The following FBXO11 variants were observed in gnomAD, a reference collection of about 807,000 sequenced individuals.
The protein encoded by FBXO11 is F-box only protein 11.
FBXO11 carries 13 observed loss-of-function variants against 117.0 expected under a neutral mutation model. That is an observed-to-expected ratio of 0.11 (90% confidence interval 0.07 to 0.18). The LOEUF (loss-of-function observed/expected upper bound fraction) is 0.18. FBXO11 is among the 10% of genes least tolerant of loss of function. FBXO11 has a pLI of 1.00. For missense variants in FBXO11, 767 were observed against 1,164.4 expected, an observed-to-expected ratio of 0.66 and a Z score of 4.97; for synonymous variants, 490 against 380.5, an observed-to-expected ratio of 1.29 and a Z score of -3.35.
intron 18 of FBXO11, chr2:47,812,887 A>T (rs972250957): frequency 2.6e-5 from 7 of 267,100 alleles, no homozygotes; most frequent in Admixed American, 1.5e-4. Flanking sequence ...ACATTTTCAG[A>T]TATTTACAGA....
intron 1 of FBXO11, among the ~76,000 whole-genome samples, chr2:47,846,954 T>C (rs762032884): frequency 2.0e-5 from 3 of 152,074 alleles, no homozygotes; most frequent in African/African-American, 4.8e-5. Context: ...CAAGAATACG[T>C]TCTGAGAAGG....
intron 20 of FBXO11, 58 bp downstream of exon 20, chr2:47,809,540 TTC>T: frequency 1.6e-6 from 2 of 1,252,686 alleles, no homozygotes; most frequent in Non-Finnish European, 2.3e-6. Context: ...ATAAAACGGC[TTC>T]TGATTATCTT....
intron 1 of FBXO11, among the ~76,000 whole-genome samples, chr2:47,855,819 C>T (rs140543127): frequency 3.4e-4 from 50 of 147,718 alleles, no homozygotes; most frequent in Non-Finnish European, 3.0e-4. Flanking sequence ...GCAACAAGAG[C>T]GAAACTCCAT....
At chr2:47,857,077 T>C (rs1008726310) in intron 1 of FBXO11, among the ~76,000 whole-genome samples, 11 of 152,242 alleles carry the variant, frequency 7.2e-5, no homozygotes, top group African/African-American at 2.4e-4. Flanking sequence ...GAAACTCATC[T>C]ACTTTAGTCA....
chr2:47,822,423 T>C lies in FBXO11; in HGVS notation c.1617-120A>G, dbSNP rs7600145. ...ATTACATAAACTTCTAAGGCCTCAA[T>C]TTCTTCATTATTTCTAAGGCCTAAG... On this transcript the variant is annotated intron_variant, in intron 12 of 22. Transcript: ENST00000403359. 3.5e-3 allele frequency: 2,118 copies of C among 606,034 alleles called. 34 individuals are homozygous for C. The highest frequency in any genetic ancestry group is 0.03 in the African/African-American group (1,576 of 51,824). The allele number at this position is 606,034 out of a possible 1,614,324, so 37.5% of individuals were successfully genotyped here.
intron 19 of FBXO11, 22 bp downstream of exon 19, chr2:47,810,294 G>C: frequency 1.3e-6 from 2 of 1,491,290 alleles, no homozygotes; most frequent in Non-Finnish European, 1.8e-6. Context: ...ATAAGCCACA[G>C]GTAAGAAAAG....
intron 1 of FBXO11, among the ~76,000 whole-genome samples, chr2:47,850,773 C>A (rs1050840548): frequency 6.6e-6 from 1 of 152,252 alleles, no homozygotes; most frequent in Middle Eastern, 3.4e-3. Context: ...AATTTTAATT[C>A]TTTCCTGTTA....
intron 1 of FBXO11, among the ~76,000 whole-genome samples, chr2:47,840,588 C>A (rs970166675): frequency 1.3e-5 from 2 of 151,438 alleles, no homozygotes; most frequent in Non-Finnish European, 2.9e-5. Context: ...GCAGCTGGGG[C>A]TACAGGCATG....
intron 1 of FBXO11, among the ~76,000 whole-genome samples, chr2:47,845,328 A>G (rs888211463): frequency 1.3e-5 from 2 of 152,222 alleles, no homozygotes; most frequent in Non-Finnish European, 2.9e-5. Context: ...ATACCACAGA[A>G]ATCTCAACTT....
chr2:47,860,941 G>A (rs932692820), intron 1 of FBXO11, among the ~76,000 whole-genome samples: 4 of 151,232 alleles, frequency 2.6e-5, no homozygotes, highest in Admixed American at 6.6e-5. Flanking sequence ...CCACCTCCCG[G>A]GTTCAAGTGA....
At chr2:47,881,121 G>A (rs555826866) in intron 1 of FBXO11, among the ~76,000 whole-genome samples, 31 of 152,102 alleles carry the variant, frequency 2.0e-4, no homozygotes, top group Non-Finnish European at 3.8e-4. Flanking sequence ...GCTTAGTGGC[G>A]GGTGCCTGCA....
intron 14 of FBXO11, 30 bp downstream of exon 14, chr2:47,820,332 G>C (rs187755562): frequency 3.4e-5 from 54 of 1,571,498 alleles, no homozygotes; most frequent in Non-Finnish European, 4.1e-5. Flanking sequence ...TGATGCATGA[G>C]TTTATAGGGA....
intron 16 of FBXO11, among the ~76,000 whole-genome samples, chr2:47,817,702 G>A (rs745405032): frequency 1.3e-5 from 2 of 152,210 alleles, no homozygotes; most frequent in African/African-American, 4.8e-5. Flanking sequence ...ATACTGTTGT[G>A]TCTCAGGCAA....
At chr2:47,829,374 G>A (rs1672014695) in intron 11 of FBXO11, among the ~76,000 whole-genome samples, 1 of 151,932 alleles carries the variant, frequency 6.6e-6, no homozygotes, top group African/African-American at 2.4e-5. Flanking sequence ...TCGAGTAGCT[G>A]GGACTTGAGG....
At chr2:47,886,532 C>T (rs1407944191) in intron 1 of FBXO11, among the ~76,000 whole-genome samples, 5 of 150,728 alleles carry the variant, frequency 3.3e-5, no homozygotes, top group African/African-American at 9.8e-5. Context: ...AATCTTTCTA[C>T]TAAAATTGTG....
At chr2:47,868,680 T>A (rs1201382919) in intron 1 of FBXO11, among the ~76,000 whole-genome samples, 1 of 152,040 alleles carries the variant, frequency 6.6e-6, no homozygotes, top group African/African-American at 2.4e-5. Context: ...GGAATGGAGG[T>A]TATACATGGG....
chr2:47,831,786 G>A (rs1672211438), intron 11 of FBXO11, among the ~76,000 whole-genome samples: 1 of 152,088 alleles, frequency 6.6e-6, no homozygotes, highest in South Asian at 2.1e-4. Context: ...TATTCCATAA[G>A]GATGCCTAAT....
chr2:47,834,379 G>C (rs1672407554), intron 7 of FBXO11, among the ~76,000 whole-genome samples, 200 bp downstream of exon 7: 1 of 151,596 alleles, frequency 6.6e-6, no homozygotes, highest in Non-Finnish European at 1.5e-5. Flanking sequence ...GGGGGGGCGG[G>C]GAGAAAGAAT....
At chr2:47,830,819 G>C (rs1239324551) in intron 11 of FBXO11, among the ~76,000 whole-genome samples, 4 of 152,144 alleles carry the variant, frequency 2.6e-5, no homozygotes, top group African/African-American at 9.7e-5. Context: ...TTGGCCAGGT[G>C]TGGTGGCTCA....
Sources: gnomAD v4.1 joint callset for allele counts (sites outside exome capture counted in the v4.1 genomes callset) on GRCh38, gnomAD v4.1.1 for gene constraint, MANE v1.5 for transcripts, NCBI Gene and HGNC (gene_info 2026-07-23, HGNC 2026-07-21) for gene names.